Variants in BRF1 observed in about 807,000 individuals in gnomAD.
BRF1 encodes the protein BRF1 general transcription factor IIIB subunit, also known as transcription factor IIIB 90 kDa subunit.
In BRF1, 59 loss-of-function variants were observed where a neutral mutation model predicts 81.7. The ratio of observed to expected loss-of-function variants is 0.72; its 90% CI spans 0.59 to 0.90. BRF1 has a LOEUF of 0.90. Ranked by LOEUF, BRF1 falls within the 40% of genes least tolerant of loss-of-function variation. The pLI is 0.00. For missense variants in BRF1, 1,050 were observed against 936.3 expected, an observed-to-expected ratio of 1.12 and a Z score of -1.58; for synonymous variants, 491 against 395.6, an observed-to-expected ratio of 1.24 and a Z score of -2.86.
chr14:105,246,284 G>C (rs1180140013), intron 5 of BRF1, among the ~76,000 whole-genome samples: 1 of 151,922 alleles, frequency 6.6e-6, no homozygotes, highest in African/African-American at 2.4e-5. Context: ...TAGCCAACAA[G>C]CACATGAGTA....
intron 16 of BRF1, 109 bp from the exon 17 acceptor site, chr14:105,211,402 CACCA>C: frequency 9.3e-7 from 1 of 1,079,706 alleles, no homozygotes. Flanking sequence ...ACTCCCGCCA[CACCA>C]GTGGCTCCCG....
chr14:105,215,603 G>A (rs1256347073), intron 15 of BRF1, among the ~76,000 whole-genome samples: 2 of 139,726 alleles, frequency 1.4e-5, no homozygotes, highest in Non-Finnish European at 3.1e-5. Flanking sequence ...CACACACACT[G>A]CATACACAGA....
rs587673120 is a variant in BRF1, at chr14:105,265,054, G to GTTTTT, written c.439+7662_439+7666dup. Among the ~76,000 whole-genome samples the GTTTTT allele has an allele frequency of 8.0e-4, 104 of 130,094 alleles. 4 individuals are homozygous for GTTTTT. Among genetic ancestry groups the GTTTTT allele is most frequent in the African/African-American group, 2.0e-3 (66 of 33,778 alleles). 85.3% of individuals were successfully genotyped at this position (130,094 alleles called of 152,430 possible). ...ATAAGTTCTACTTATCCTTTTTTTT[G>GTTTTT]TTTTTTTTTTGTTTGTTTGTTTTTT... is the stretch of plus-strand genomic sequence containing the variant. On this transcript the variant is annotated intron_variant, in intron 3 of 17. Coordinates refer to ENST00000547530, the MANE Select transcript of BRF1 (RefSeq NM_001519.4).
chr14:105,221,736 C>A lies in BRF1; in HGVS notation c.1227G>T (p.Gly409=). The change falls in exon 11 of 18, where the codon GGG becomes GGT. Residue 409 remains glycine, a synonymous_variant. Coordinates refer to ENST00000547530, the MANE Select transcript of BRF1 (RefSeq NM_001519.4). The part of the protein sequence containing the change: ...PEWGGRPPAL[G]SLLDPLPTAA... Reference sequence around the variant, plus strand: ...CAGTGGGGAGGGGGTCCAGCAGGGACCCCAGGGCCGGAGGTCTGCCGCCCC... The same window carrying A: ...CAGTGGGGAGGGGGTCCAGCAGGGAACCCAGGGCCGGAGGTCTGCCGCCCC... The A allele has an allele frequency of 6.2e-7, 1 of 1,610,436 alleles. No individual in the cohort carries two copies. Among genetic ancestry groups the A allele is most frequent in the South Asian group, 1.1e-5 (1 of 90,882 alleles).
rs1461292187 is a variant in BRF1, at chr14:105,247,423, G to A, written c.544+5084C>T. Reference sequence around the variant, plus strand: ...TGTGCACTCTGGGCCATTGCATGGTGTCTGTTCACGTCCTTTGCCCGTTTT... The same window carrying A: ...TGTGCACTCTGGGCCATTGCATGGTATCTGTTCACGTCCTTTGCCCGTTTT... On this transcript the variant is annotated intron_variant, in intron 5 of 17. Coordinates refer to ENST00000547530, the MANE Select transcript of BRF1 (RefSeq NM_001519.4). The A allele has an allele frequency of 1.5e-5, 15 of 985,300 alleles. No homozygotes were observed. In the Admixed American group the frequency reaches 3.1e-4, roughly 20 times the overall value. The allele number at this position is 985,300 out of a possible 1,614,324, so 61.0% of individuals were successfully genotyped here.
At chr14:105,218,495 G>A (rs1009555668) in intron 14 of BRF1, among the ~76,000 whole-genome samples, 2 of 152,142 alleles carry the variant, frequency 1.3e-5, no homozygotes, top group Admixed American at 6.5e-5. Flanking sequence ...CCCCAGTCTC[G>A]CAGGCAGGGA....
chr14:105,218,363 G>A (rs891651890), intron 14 of BRF1, among the ~76,000 whole-genome samples: 5 of 152,288 alleles, frequency 3.3e-5, no homozygotes, highest in Non-Finnish European at 4.4e-5. Flanking sequence ...GGCCTGGGAC[G>A]TGCTGCTGGG....
At chr14:105,308,174 C>A (rs1048411963) in intron 1 of BRF1, among the ~76,000 whole-genome samples, 3 of 150,936 alleles carry the variant, frequency 2.0e-5, no homozygotes, top group African/African-American at 7.3e-5. Flanking sequence ...TAGAGTGAGA[C>A]TCTGTCCCCC....
intron 3 of BRF1, among the ~76,000 whole-genome samples, chr14:105,265,900 C>CAAAAAA (rs34375627): frequency 2.6e-5 from 2 of 75,662 alleles, no homozygotes; most frequent in Non-Finnish European, 2.5e-5. Flanking sequence ...GACTCCCTCT[C>CAAAAAA]AAAAAAAAAA....
Position 105,217,633 on chromosome 14 carries a change from G to C in BRF1, c.1683C>G (p.Pro561=), listed in dbSNP as rs199686171. 3.1e-6 allele frequency: 5 copies of C among 1,613,206 alleles called. No homozygotes were observed. The highest frequency in any genetic ancestry group is 3.3e-5 in the Admixed American group (2 of 60,004). ...GGSPHREDAQ[P]EHSASARKLS... ...GCTTCCTGGCACTGGCGCTATGCTC[G>C]GGCTGTGCATCCTCCCTGTGCGGAC... The change falls in exon 15 of 18, where the codon CCC becomes CCG. Residue 561 remains proline, a synonymous_variant. Coordinates refer to ENST00000547530, the MANE Select transcript of BRF1 (RefSeq NM_001519.4).
rs1889828068 is a variant in BRF1 at position 105,209,427 on chromosome 14, GGGCAGGACATACA to G, written c.*1111_*1123del. On this transcript the variant is annotated 3_prime_UTR_variant, in exon 18 of 18. Coordinates refer to ENST00000547530, the MANE Select transcript of BRF1 (RefSeq NM_001519.4). Reference sequence around the variant, plus strand: ...GTCTGGCCTGCTGCGGGCCAAGTTGGGGCAGGACATACAGCCCATTCCATGGGGAGGATGAGGC... The same window carrying G: ...GTCTGGCCTGCTGCGGGCCAAGTTGGGCCCATTCCATGGGGAGGATGAGGC... 1.5e-6 allele frequency: 1 copy of G among 686,238 alleles called. No homozygotes were observed. The highest frequency in any genetic ancestry group is 2.7e-6 in the Non-Finnish European group (1 of 376,488). 42.5% of individuals were successfully genotyped at this position (686,238 alleles called of 1,614,324 possible).
intron 5 of BRF1, chr14:105,249,075 C>G: frequency 7.2e-7 from 1 of 1,385,970 alleles, no homozygotes; most frequent in Non-Finnish European, 9.3e-7. Flanking sequence ...CCGCCCCACG[C>G]TGCGCGAGAG....
intron 15 of BRF1, among the ~76,000 whole-genome samples, chr14:105,214,568 C>T (rs1890757522): frequency 6.9e-6 from 1 of 143,992 alleles, no homozygotes; most frequent in African/African-American, 2.5e-5. Context: ...AGCTCAGGTT[C>T]TGCAGTTGTC....
At chr14:105,219,774 C>A (rs1891956231) in intron 12 of BRF1, 1 of 520,860 alleles carries the variant, frequency 1.9e-6, no homozygotes, top group East Asian at 3.2e-5. Flanking sequence ...CCTCGAGGGG[C>A]TGCCCCTGGT....
At chr14:105,286,203 G>A in intron 2 of BRF1, 93 bp downstream of exon 2, 1 of 1,340,484 alleles carries the variant, frequency 7.5e-7, no homozygotes. Context: ...AGGCCATGAG[G>A]TCCATGGCTG....
chr14:105,215,473 T>C (rs587756009), intron 15 of BRF1, among the ~76,000 whole-genome samples: 1 of 150,856 alleles, frequency 6.6e-6, no homozygotes, highest in Admixed American at 6.6e-5. Context: ...CCAGAACACA[T>C]GCACACACAC....
rs989494665 is a variant in BRF1 at position 105,217,592 on chromosome 14, G to A, written c.1724C>T (p.Thr575Met). The change falls in exon 15 of 18, where the codon ACG (threonine) becomes ATG (methionine). Residue 575 changes from threonine (T) to methionine (M), a missense_variant. By Grantham distance (81) the Thr-to-Met change is moderately conservative. Coordinates refer to ENST00000547530, the MANE Select transcript of BRF1 (RefSeq NM_001519.4). ...GTCAGCCCCACTTCTGCTGGCCGGC[G>A]TCCTCCTTCGTGACAGCTTCCTGGC... ...ASARKLSRRR[T>M]PASRSGADPV... The A allele has an allele frequency of 5.6e-6, 9 of 1,613,328 alleles. No individual in the cohort carries two copies. Among genetic ancestry groups the A allele is most frequent in the South Asian group, 2.2e-5 (2 of 91,088 alleles).
intron 14 of BRF1, among the ~76,000 whole-genome samples, chr14:105,218,718 C>T (rs978697532): frequency 2.0e-5 from 3 of 152,214 alleles, no homozygotes; most frequent in African/African-American, 7.2e-5. Flanking sequence ...CGTCCAGCCC[C>T]GAGTCTCGAC....
chr14:105,307,624 CA>C (rs1294737051), intron 1 of BRF1, among the ~76,000 whole-genome samples: 1 of 152,336 alleles, frequency 6.6e-6, no homozygotes, highest in East Asian at 1.9e-4. Flanking sequence ...ATGCAGCAGT[CA>C]GCAGGGGAAA....
Sources: allele counts gnomAD v4.1 joint callset (sites outside exome capture counted in the v4.1 genomes callset), GRCh38; gene constraint gnomAD v4.1.1; transcripts MANE v1.5; gene names NCBI Gene and HGNC (gene_info 2026-07-23, HGNC 2026-07-21).